The following SLC35D4 variants were observed in gnomAD, a reference collection of about 807,000 sequenced individuals.
The protein encoded by SLC35D4 is UDP-N-acetylglucosamine transporter SLC35D4.
At chr18:23,373,422 G>A in the SLC35D4 span, among the ~76,000 whole-genome samples, 5 of 152,210 alleles carry the variant, frequency 3.3e-5, no homozygotes, top group African/African-American at 4.8e-5. Context: ...CAATTTGGGC[G>A]TTGGCTTGCA....
chr18:23,356,569 T>C, the SLC35D4 span: 7 of 1,611,888 alleles, frequency 4.3e-6, no homozygotes, highest in African/African-American at 1.3e-5. This position sits in a 1 kb window ranked among gnomAD's most constrained non-coding sequence, Gnocchi z 4.1. Context: ...ACAGAAAGCA[T>C]ACAAATGAGT....
the SLC35D4 span, among the ~76,000 whole-genome samples, chr18:23,374,324 C>A: frequency 6.6e-6 from 1 of 152,144 alleles, no homozygotes; most frequent in African/African-American, 2.4e-5. Flanking sequence ...GCCAAACATG[C>A]AGAGCGTGGA....
chr18:23,352,407 C>G, the SLC35D4 span: 3 of 709,698 alleles, frequency 4.2e-6, no homozygotes, highest in African/African-American at 5.6e-5. Flanking sequence ...TCTACCTCAT[C>G]TGTGTTTTCT....
chr18:23,253,710 C>G, the SLC35D4 span: 7 of 1,609,614 alleles, frequency 4.3e-6, no homozygotes, highest in South Asian at 7.7e-5. Flanking sequence ...ACTGTTCCCT[C>G]TTGCCTGTCT....
At chr18:23,250,698 G>A in the SLC35D4 span, among the ~76,000 whole-genome samples, 1 of 152,156 alleles carries the variant, frequency 6.6e-6, no homozygotes, top group Non-Finnish European at 1.5e-5. Flanking sequence ...GTGGTTAGCC[G>A]GGACCAGAAT....
At chr18:23,278,746 C>G in the SLC35D4 span, among the ~76,000 whole-genome samples, 6 of 152,138 alleles carry the variant, frequency 3.9e-5, no homozygotes, top group East Asian at 1.2e-3. Flanking sequence ...GAGACTCAAG[C>G]CTATAATCCA....
At chr18:23,246,610 C>G in the SLC35D4 span, among the ~76,000 whole-genome samples, 27 of 151,860 alleles carry the variant, frequency 1.8e-4, no homozygotes, top group East Asian at 5.9e-4. Flanking sequence ...CCAGGATGGT[C>G]TCGATCTCCT....
chr18:23,270,551 G>A, the SLC35D4 span, among the ~76,000 whole-genome samples: 251 of 152,300 alleles, frequency 1.6e-3, 1 homozygote, highest in Non-Finnish European at 2.5e-3. Context: ...AGCCTGTACT[G>A]TGCACCTGGA....
the SLC35D4 span, among the ~76,000 whole-genome samples, chr18:23,386,203 ATGT>A: frequency 1.2e-3 from 180 of 152,182 alleles, no homozygotes; most frequent in Admixed American, 3.5e-3. Context: ...GAACCTGTAA[ATGT>A]TGTCTGCTAT....
the SLC35D4 span, among the ~76,000 whole-genome samples, chr18:23,252,780 C>T: frequency 1.1e-4 from 17 of 152,212 alleles, no homozygotes; most frequent in African/African-American, 4.1e-4. Context: ...TTCCGTTCGC[C>T]TCCAGAAGGC....
At chr18:23,244,187 T>C in the SLC35D4 span, among the ~76,000 whole-genome samples, 4 of 152,174 alleles carry the variant, frequency 2.6e-5, no homozygotes, top group African/African-American at 9.7e-5. Context: ...AGTCACCTGG[T>C]GTCATCTCAA....
chr18:23,299,277 T>C, the SLC35D4 span, among the ~76,000 whole-genome samples: 3 of 152,118 alleles, frequency 2.0e-5, no homozygotes, highest in Non-Finnish European at 4.4e-5. Context: ...CACCCCTGTG[T>C]TTAGCCTATG....
At chr18:23,385,571 G>A in the SLC35D4 span, among the ~76,000 whole-genome samples, 1 of 152,248 alleles carries the variant, frequency 6.6e-6, no homozygotes, top group African/African-American at 2.4e-5. Flanking sequence ...ATCCAGAGGA[G>A]AGAGCGGATC....
At chr18:23,341,471 G>A in the SLC35D4 span, among the ~76,000 whole-genome samples, 4 of 152,110 alleles carry the variant, frequency 2.6e-5, no homozygotes, top group Non-Finnish European at 4.4e-5. Flanking sequence ...AAGGCCCCTC[G>A]GCCCCCTTAA....
chr18:23,249,922 T>A, the SLC35D4 span, among the ~76,000 whole-genome samples: 2 of 152,212 alleles, frequency 1.3e-5, no homozygotes, highest in East Asian at 3.9e-4. Context: ...GAGACCAGGA[T>A]CCCAGCGCTG....
the SLC35D4 span, chr18:23,356,777 C>A: frequency 1.2e-6 from 1 of 844,202 alleles, no homozygotes; most frequent in South Asian, 1.6e-5. The surrounding 1 kb of genome is among the most constrained non-coding windows in gnomAD (Gnocchi z 4.1). Flanking sequence ...GCTTTCAGTC[C>A]CCTGGCATTG....
the SLC35D4 span, among the ~76,000 whole-genome samples, chr18:23,386,300 T>G: frequency 2.0e-4 from 31 of 152,202 alleles, no homozygotes; most frequent in Admixed American, 7.2e-4. Context: ...GGGCCCTAAA[T>G]GCAGTCACAC....
At chr18:23,343,665 G>A in the SLC35D4 span, among the ~76,000 whole-genome samples, 2 of 152,086 alleles carry the variant, frequency 1.3e-5, no homozygotes, top group African/African-American at 4.8e-5. Flanking sequence ...CATTACCCAG[G>A]TAATAAGAAT....
the SLC35D4 span, among the ~76,000 whole-genome samples, chr18:23,363,475 C>T: frequency 5.5e-5 from 8 of 144,788 alleles, no homozygotes; most frequent in South Asian, 9.1e-4. Context: ...CCCGGGTTCA[C>T]GCCATTCTCC....
Sources: allele counts gnomAD v4.1 joint callset (sites outside exome capture counted in the v4.1 genomes callset), GRCh38; gene constraint gnomAD v4.1.1; non-coding constraint Gnocchi (gnomAD v3.1); transcripts MANE v1.5; gene names NCBI Gene and HGNC (gene_info 2026-07-23, HGNC 2026-07-21).